Variants in SSC4D observed in about 807,000 individuals in gnomAD.
SSC4D encodes the protein scavenger receptor cysteine-rich domain-containing group B protein.
A neutral mutation model predicts 63.4 loss-of-function variants in SSC4D; 57 were observed. The observed-to-expected ratio is 0.90, with a 90% confidence interval of 0.73 to 1.12. The LOEUF (loss-of-function observed/expected upper bound fraction) is 1.12, where lower values mean the gene tolerates loss of function less well. SSC4D is among the 50% of genes most tolerant of loss of function. SSC4D has a pLI of 0.00. For missense variants in SSC4D, 791 were observed against 806.4 expected (o/e 0.98, Z 0.23); for synonymous variants, 352 against 345.4 (o/e 1.02, Z -0.21).
intron 1 of SSC4D, among the ~76,000 whole-genome samples, chr7:76,407,915 A>T (rs773947915): frequency 1.3e-5 from 2 of 152,044 alleles, no homozygotes; most frequent in Non-Finnish European, 2.9e-5. Context: ...AAGCTGGTTT[A>T]GAGGCTGATG....
chr7:76,393,443 T>C lies in SSC4D; in HGVS notation c.1295A>G (p.Asn432Ser), dbSNP rs757199415. ...TCCCGCGTCCTCGTGGTGGCCGCAGTTGTGCTGGCCCCAGCCCAGGTGGAA... is the reference window on the plus strand; with the variant it reads ...TCCCGCGTCCTCGTGGTGGCCGCAGCTGTGCTGGCCCCAGCCCAGGTGGAA... ...DCFHLGWGQHNCGHHEDAGAL... is the reference protein window; with the variant it reads ...DCFHLGWGQHSCGHHEDAGAL... The change falls in exon 9 of 11, where the codon AAC becomes AGC. Residue 432 changes from asparagine to serine, a missense_variant. Coordinates refer to ENST00000275560, the MANE Select transcript of SSC4D (RefSeq NM_080744.2). The C allele has an allele frequency of 2.0e-6, 3 of 1,521,438 alleles. No individual in the cohort carries two copies. Among genetic ancestry groups the C allele is most frequent in the Non-Finnish European group, 2.6e-6 (3 of 1,141,780 alleles). The allele number at this position is 1,521,438 out of a possible 1,614,324, so 94.2% of individuals were successfully genotyped here.
intron 9 of SSC4D, among the ~76,000 whole-genome samples, chr7:76,392,347 G>A (rs544643613): frequency 1.2e-4 from 18 of 151,964 alleles, no homozygotes; most frequent in East Asian, 1.9e-4. Flanking sequence ...TCAGGAGTTC[G>A]TAGACCAGCC....
chr7:76,393,253 G>C, intron 9 of SSC4D, 152 bp downstream of exon 9: 1 of 758,370 alleles, frequency 1.3e-6, no homozygotes, highest in South Asian at 6.8e-5. Context: ...GCCGCAGAGC[G>C]GGCGCACGGC....
In SSC4D at chr7:76,397,666, G is replaced by C; in HGVS notation, c.720C>G (p.Thr240=). 1 of 1,613,612 alleles carries C rather than the reference G, an allele frequency of 6.2e-7. No homozygotes were observed. The highest frequency in any genetic ancestry group is 2.2e-5 in the East Asian group (1 of 44,874). Residue 240 remains threonine (T), a synonymous_variant, in exon 6 of 11, where the codon ACC becomes ACG. Coordinates refer to ENST00000275560, the MANE Select transcript of SSC4D (RefSeq NM_080744.2). ...LGCGAAMAAT[T]NAFFGYGTGH... ...CGGTGCCATAGCCGAAGAAGGCGTT[G>C]GTGGTGGCGGCCATGGCCGCCCCGC...
chr7:76,405,281 A>ATATATATG (rs1804965852), intron 1 of SSC4D, among the ~76,000 whole-genome samples: 1 of 29,776 alleles, frequency 3.4e-5, no homozygotes, highest in Non-Finnish European at 5.5e-5. Flanking sequence ...TTATATATAT[A>ATATATATG]TATATATATA....
chr7:76,400,378 C>T lies in SSC4D; in HGVS notation c.383G>A (p.Arg128His), dbSNP rs4728712. ...CTCGCTCAGCGCAGCTTCCTGCCCGCGGCACTCCACGTTGTCCAGCAGGAT... is the reference window on the plus strand; with the variant it reads ...CTCGCTCAGCGCAGCTTCCTGCCCGTGGCACTCCACGTTGTCCAGCAGGAT... The part of the protein sequence containing the change: ...GPILLDNVEC[R>H]GQEAALSECG... Residue 128 changes from arginine to histidine, a missense_variant, in exon 4 of 11, where the codon CGC becomes CAC. Physicochemically the swap from Arg to His is conservative, Grantham distance 29 (BLOSUM62 0). Transcript: ENST00000275560. 330,953 of 1,589,772 alleles carry T rather than the reference C, an allele frequency of 0.21. 35,922 individuals are homozygous for T. Among genetic ancestry groups the T allele is most frequent in the South Asian group, 0.27 (24,041 of 89,748 alleles).
intron 2 of SSC4D, among the ~76,000 whole-genome samples, chr7:76,402,250 T>A (rs960899685): frequency 1.3e-5 from 2 of 149,988 alleles, no homozygotes; most frequent in African/African-American, 4.9e-5. Context: ...CATGATCTCA[T>A]CTCACTGCAG....
chr7:76,404,455 T>G lies in SSC4D; in HGVS notation c.-16A>C, dbSNP rs1338797433. On this transcript the variant is annotated 5_prime_UTR_variant, in exon 2 of 11. Coordinates refer to ENST00000275560, the MANE Select transcript of SSC4D (RefSeq NM_080744.2). ...CCTTGTGCATCTAGATGGTGAAGGGTGTTTCAGATGCTCCCATCAAGGCGC... is the reference window on the plus strand; with the variant it reads ...CCTTGTGCATCTAGATGGTGAAGGGGGTTTCAGATGCTCCCATCAAGGCGC... 2 of 1,613,676 alleles carry G rather than the reference T, an allele frequency of 1.2e-6. No individual in the cohort carries two copies. The highest frequency in any genetic ancestry group is 4.5e-5 in the East Asian group (2 of 44,850).
At chr7:76,394,069 C>A (rs1040752914) in intron 7 of SSC4D, among the ~76,000 whole-genome samples, 165 bp from the exon 8 acceptor site, 1 of 152,104 alleles carries the variant, frequency 6.6e-6, no homozygotes, top group African/African-American at 2.4e-5. Flanking sequence ...TTGGGATCTC[C>A]GGGAAACTTG....
chr7:76,393,426 C>T lies in SSC4D; in HGVS notation c.1312G>A (p.Asp438Asn). 1 of 1,499,774 alleles carries T rather than the reference C, an allele frequency of 6.7e-7. No homozygotes were observed. The highest frequency in any genetic ancestry group is 8.9e-7 in the Non-Finnish European group (1 of 1,129,534). The allele number at this position is 1,499,774 out of a possible 1,614,324, so 92.9% of individuals were successfully genotyped here. A position where few individuals can be genotyped will look rare whatever the true frequency, so the allele number is the denominator to read the frequency against. ...TCACCTGCGCAGAGCGCTCCCGCGT[C>T]CTCGTGGTGGCCGCAGTTGTGCTGG... ...WGQHNCGHHE[D>N]AGALCAGPEE... Residue 438 changes from aspartate (D) to asparagine (N), a missense_variant, in exon 9 of 11, where the codon GAC becomes AAC. By Grantham distance (23) the Asp-to-Asn change is conservative. Transcript: ENST00000275560.
At position 76,401,016 on chromosome 7, in the gene SSC4D, G is replaced by A. The variant is rs1217868494; in HGVS notation, c.161C>T (p.Pro54Leu). 1 of 1,550,426 alleles carries A rather than the reference G, an allele frequency of 6.4e-7. No individual in the cohort carries two copies. The highest frequency in any genetic ancestry group is 1.4e-5 in the African/African-American group (1 of 73,004). ...CGGGGTGGGGCACCTACCTTGAAAGGGCAGTGGAGTGGGCTGTAGGGCGCT... is the reference window on the plus strand; with the variant it reads ...CGGGGTGGGGCACCTACCTTGAAAGAGCAGTGGAGTGGGCTGTAGGGCGCT... ...LASALQPTPL[P>L]FQELRLVGGP... Residue 54 changes from proline to leucine, a missense_variant, in exon 3 of 11, where the codon CCC (proline) becomes CTC (leucine). Pro to Leu is a moderately conservative substitution (Grantham distance 98). Coordinates refer to ENST00000275560, the MANE Select transcript of SSC4D (RefSeq NM_080744.2).
At chr7:76,401,746 C>G (rs573082337) in intron 2 of SSC4D, among the ~76,000 whole-genome samples, 59 of 152,220 alleles carry the variant, frequency 3.9e-4, no homozygotes, top group African/African-American at 1.3e-3. Context: ...CAGCTTGGAG[C>G]CCCTTCCTCT....
chr7:76,398,901 A>C lies in SSC4D; in HGVS notation c.476-104T>G, dbSNP rs1353509515. The C allele has an allele frequency of 3.4e-6, 4 of 1,178,520 alleles. No individual in the cohort carries two copies. The African/African-American group carries it at 6.2e-5, about 18-fold the overall frequency. 73.0% of individuals were successfully genotyped at this position (1,178,520 alleles called of 1,614,324 possible). A position where few individuals can be genotyped will look rare whatever the true frequency, so the allele number is the denominator to read the frequency against. On this transcript the variant is annotated intron_variant, in intron 4 of 10. Coordinates refer to ENST00000275560, the MANE Select transcript of SSC4D (RefSeq NM_080744.2). ...ATGGACCCATAAGGTGCTTGCCGCC[A>C]GAGCCTCTGGCCACACAAAGAGTCA...
chr7:76,396,648 C>G (rs1026821954), intron 6 of SSC4D, among the ~76,000 whole-genome samples: 3 of 152,194 alleles, frequency 2.0e-5, no homozygotes, highest in African/African-American at 7.2e-5. Flanking sequence ...AACTGTGTGA[C>G]CATGGGCAAG....
Position 76,400,606 on chromosome 7 carries a change from G to T in SSC4D, c.170-15C>A. The T allele has an allele frequency of 6.9e-7, 1 of 1,441,602 alleles. No homozygotes were observed. Among genetic ancestry groups the T allele is most frequent in the Non-Finnish European group, 9.1e-7 (1 of 1,095,276 alleles). 89.3% of individuals were successfully genotyped at this position (1,441,602 alleles called of 1,614,324 possible). ...CAGCCTCAGCTCTGTGAAGAGGGTG[G>T]AGCTGGCACCAGGGGGTCACTGAGT... is the stretch of plus-strand genomic sequence containing the variant. On this transcript the variant is annotated splice_polypyrimidine_tract_variant and intron_variant, in intron 3 of 10. Transcript: ENST00000275560.
chr7:76,400,871 A>C (rs1804801500), intron 3 of SSC4D, 137 bp downstream of exon 3: 1 of 1,250,920 alleles, frequency 8.0e-7, no homozygotes. Context: ...GAAAATGGGG[A>C]GACTACAGCT....
chr7:76,393,571 A>G lies in SSC4D; in HGVS notation c.1167T>C (p.Pro389=), dbSNP rs1382989641. The part of the protein sequence containing the change: ...RVACREAGCG[P]ALGATGLGHF... ...GGCCCAGTCCCGTAGCGCCCAGCGC[A>G]GGCCCGCAGCCCGCTTCGCGGCAGG... Residue 389 remains proline (P), a synonymous_variant, in exon 9 of 11, where the codon CCT becomes CCC. Transcript: ENST00000275560. The G allele has an allele frequency of 2.0e-6, 3 of 1,514,196 alleles. No individual in the cohort carries two copies. Among genetic ancestry groups the G allele is most frequent in the Non-Finnish European group, 2.6e-6 (3 of 1,137,862 alleles). The allele number at this position is 1,514,196 out of a possible 1,614,324, so 93.8% of individuals were successfully genotyped here.
chr7:76,389,855 G>A lies in SSC4D; in HGVS notation c.*204C>T, dbSNP rs1804454152. The A allele has an allele frequency of 6.2e-6, 4 of 643,034 alleles. No individual in the cohort carries two copies. Among genetic ancestry groups the A allele is most frequent in the South Asian group, 4.0e-5 (2 of 50,422 alleles). 39.8% of individuals were successfully genotyped at this position (643,034 alleles called of 1,614,324 possible). A position where few individuals can be genotyped will look rare whatever the true frequency, so the allele number is the denominator to read the frequency against. ...TCACTGAATTGGGCTCACAACAGTC[G>A]ATGACAGGCTGAGGTCACGCAGTAA... On this transcript the variant is annotated 3_prime_UTR_variant, in exon 11 of 11. Coordinates refer to ENST00000275560, the MANE Select transcript of SSC4D (RefSeq NM_080744.2).
Position 76,390,392 on chromosome 7 carries a change from C to T in SSC4D, c.1412-17G>A. The T allele has an allele frequency of 6.4e-7, 1 of 1,561,464 alleles. No individual in the cohort carries two copies. Among genetic ancestry groups the T allele is most frequent in the African/African-American group, 1.3e-5 (1 of 74,114 alleles). On this transcript the variant is annotated splice_polypyrimidine_tract_variant and intron_variant, in intron 10 of 10. Transcript: ENST00000275560. ...GTAGATGCCCTGTGGGGGGACAGGGCTGGGTTGGAAGGGGCTGGTCCATGC... is the reference window on the plus strand; with the variant it reads ...GTAGATGCCCTGTGGGGGGACAGGGTTGGGTTGGAAGGGGCTGGTCCATGC...
Sources: gnomAD v4.1 joint callset for allele counts (sites outside exome capture counted in the v4.1 genomes callset) on GRCh38, gnomAD v4.1.1 for gene constraint, MANE v1.5 for transcripts, NCBI Gene and HGNC (gene_info 2026-07-23, HGNC 2026-07-21) for gene names.